The following PCDHGA8 variants were observed in gnomAD, a reference collection of about 807,000 sequenced individuals.
PCDHGA8 encodes the protein protocadherin gamma-A8.
PCDHGA8 carries 45 observed loss-of-function variants against 59.2 expected under a neutral mutation model. The observed-to-expected ratio is 0.76, with a 90% confidence interval of 0.60 to 0.98. PCDHGA8 has a LOEUF of 0.98. PCDHGA8 is among the 50% of genes least tolerant of loss of function. PCDHGA8 has a pLI of 0.00. For missense variants in PCDHGA8, 1,257 were observed against 1,196.2 expected, an observed-to-expected ratio of 1.05 and a Z score of -0.75; for synonymous variants, 531 against 519.0, an observed-to-expected ratio of 1.02 and a Z score of -0.32.
At chr5:141,403,972 A>G in intron 1 of PCDHGA8, 1 of 1,613,968 alleles carries the variant, frequency 6.2e-7, no homozygotes, top group East Asian at 2.2e-5. Flanking sequence ...TGGAAGATGT[A>G]AATGACAATA....
chr5:141,432,178 T>C lies in PCDHGA8; in HGVS notation c.2424+36941T>C. Reference sequence around the variant, plus strand: ...ATCCCAGAGGAGTTTCCCTCGTCTCTGTGACCGCCCACGACCCCGACTGTG... The same window carrying C: ...ATCCCAGAGGAGTTTCCCTCGTCTCCGTGACCGCCCACGACCCCGACTGTG... On this transcript the variant is annotated intron_variant, in intron 1 of 3. Transcript: ENST00000398604. The surrounding 1 kb of genome is among the most constrained non-coding windows in gnomAD (Gnocchi z 6.0). 6.2e-7 allele frequency: 1 copy of C among 1,614,184 alleles called. No individual in the cohort carries two copies. The highest frequency in any genetic ancestry group is 8.5e-7 in the Non-Finnish European group (1 of 1,180,036).
At chr5:141,395,359 G>T in intron 1 of PCDHGA8, 122 bp downstream of exon 1, 2 of 1,289,368 alleles carry the variant, frequency 1.6e-6, no homozygotes, top group East Asian at 5.1e-5. Flanking sequence ...CAGAGTTTTG[G>T]GTTTATTTTG....
chr5:141,413,555 T>C (rs1270604020), intron 1 of PCDHGA8: 1 of 1,613,852 alleles, frequency 6.2e-7, no homozygotes. Flanking sequence ...GAAATAGAAG[T>C]AACTGATATC....
intron 2 of PCDHGA8, among the ~76,000 whole-genome samples, chr5:141,501,476 A>T (rs1274017343): frequency 3.3e-5 from 5 of 152,044 alleles, no homozygotes; most frequent in Admixed American, 3.3e-4. Context: ...ATCCTGGAAG[A>T]GTCCCTCATA....
At chr5:141,509,758 C>T (rs574741134) in intron 3 of PCDHGA8, among the ~76,000 whole-genome samples, 17 of 152,202 alleles carry the variant, frequency 1.1e-4, no homozygotes. Flanking sequence ...CTAAAGTGTC[C>T]CTGAGATGTC....
chr5:141,433,245 A>C, intron 1 of PCDHGA8: 3 of 1,459,776 alleles, frequency 2.1e-6, no homozygotes, highest in Non-Finnish European at 2.8e-6. Context: ...CCAAGCTGGA[A>C]TGCAGCGGTA....
In PCDHGA8 at chr5:141,485,872, G is replaced by A; in HGVS notation, c.2425-8935G>A. ...CCGCAGAGCTCCGGGTATCCGTGCT[G>A]GACGTAAACGACAACGCCCCAGCCT... On this transcript the variant is annotated intron_variant, in intron 1 of 3. Transcript: ENST00000398604. The surrounding 1 kb of genome is among the most constrained non-coding windows in gnomAD (Gnocchi z 5.7). 1 of 1,614,170 alleles carries A rather than the reference G, an allele frequency of 6.2e-7. No homozygotes were observed. The highest frequency in any genetic ancestry group is 2.2e-5 in the East Asian group (1 of 44,876).
intron 1 of PCDHGA8, among the ~76,000 whole-genome samples, chr5:141,484,752 A>G (rs181317421): frequency 6.6e-5 from 10 of 151,098 alleles, no homozygotes; most frequent in Admixed American, 3.3e-4. Context: ...AAAAAAATGT[A>G]TATATATATA....
At chr5:141,474,758 C>T (rs2099354200) in intron 1 of PCDHGA8, among the ~76,000 whole-genome samples, 1 of 152,210 alleles carries the variant, frequency 6.6e-6, no homozygotes, top group Non-Finnish European at 1.5e-5. Flanking sequence ...GACAAATATA[C>T]AGAAATAGTA....
chr5:141,432,128 T>C lies in PCDHGA8; in HGVS notation c.2424+36891T>C. 3 of 1,614,080 alleles carry C rather than the reference T, an allele frequency of 1.9e-6. No homozygotes were observed. Among genetic ancestry groups the C allele is most frequent in the Non-Finnish European group, 2.5e-6 (3 of 1,180,016 alleles). On this transcript the variant is annotated intron_variant, in intron 1 of 3. Coordinates refer to ENST00000398604, the MANE Select transcript of PCDHGA8 (RefSeq NM_032088.2). This position sits in a 1 kb window ranked among gnomAD's most constrained non-coding sequence, Gnocchi z 6.0. ...CCCGCCGGTCTTCCCTCAGGCCTCC[T>C]ATTCCGCTTATATCCCAGAGAACAA... is the stretch of plus-strand genomic sequence containing the variant.
In PCDHGA8 at chr5:141,486,565, T is replaced by C; in HGVS notation, c.2425-8242T>C. ...TTCAGAGGTCACATGAGGTGTTTGT[T>C]CCTGAGAACAATCGCCCAGGGGACC... On this transcript the variant is annotated intron_variant, in intron 1 of 3. Coordinates refer to ENST00000398604, the MANE Select transcript of PCDHGA8 (RefSeq NM_032088.2). The surrounding 1 kb of genome is among the most constrained non-coding windows in gnomAD (Gnocchi z 5.0). 6.2e-7 allele frequency: 1 copy of C among 1,614,024 alleles called. No homozygotes were observed. Among genetic ancestry groups the C allele is most frequent in the Non-Finnish European group, 8.5e-7 (1 of 1,180,032 alleles).
At position 141,394,285 on chromosome 5, in the gene PCDHGA8, T is replaced by C. The variant is rs1463926417; in HGVS notation, c.1472T>C (p.Val491Ala). 1.2e-6 allele frequency: 2 copies of C among 1,613,942 alleles called. No homozygotes were observed. Among genetic ancestry groups the C allele is most frequent in the Admixed American group, 1.7e-5 (1 of 60,020 alleles). ...SQENAQVTYS[V>A]TEDTLQGAPL... ...GAGAATGCCCAGGTCACTTACTCTG[T>C]GACCGAGGACACGCTGCAGGGGGCG... Residue 491 changes from valine to alanine, a missense_variant, in exon 1 of 4, where the codon GTG becomes GCG. Physicochemically the swap from Val to Ala is moderately conservative, Grantham distance 64. Coordinates refer to ENST00000398604, the MANE Select transcript of PCDHGA8 (RefSeq NM_032088.2).
intron 1 of PCDHGA8, 165 bp downstream of exon 1, chr5:141,395,402 C>T (rs1012676021): frequency 5.9e-6 from 5 of 846,250 alleles, no homozygotes; most frequent in Non-Finnish European, 8.7e-6. Context: ...CTCTAATAGT[C>T]ATAGGTTATT....
At position 141,431,823 on chromosome 5, in the gene PCDHGA8, CG is replaced by C. The variant is rs754257436; in HGVS notation, c.2424+36588del. ...GTGGTCCTCACCTCTCTCGCCAGCTCGGTTCCCGAAAACTCTCCCAGAGGGA... is the reference window on the plus strand; with the variant it reads ...GTGGTCCTCACCTCTCTCGCCAGCTCGTTCCCGAAAACTCTCCCAGAGGGA... On this transcript the variant is annotated intron_variant, in intron 1 of 3. Transcript: ENST00000398604. The surrounding 1 kb of genome is among the most constrained non-coding windows in gnomAD (Gnocchi z 4.8). 2.5e-6 allele frequency: 4 copies of C among 1,614,142 alleles called. No homozygotes were observed. In the East Asian group the frequency reaches 8.9e-5, roughly 36 times the overall value.
intron 1 of PCDHGA8, among the ~76,000 whole-genome samples, chr5:141,471,928 G>A (rs1328213264): frequency 6.6e-6 from 1 of 152,152 alleles, no homozygotes; most frequent in African/African-American, 2.4e-5. Context: ...TTTTGGGGGT[G>A]ATGAGAGTTT....
At chr5:141,420,687 G>T (rs2096517632) in intron 1 of PCDHGA8, among the ~76,000 whole-genome samples, 1 of 152,182 alleles carries the variant, frequency 6.6e-6, no homozygotes, top group South Asian at 2.1e-4. Flanking sequence ...TATCGGGACC[G>T]TATTATTTCC....
chr5:141,486,844 C>T lies in PCDHGA8; in HGVS notation c.2425-7963C>T, dbSNP rs150549306. The T allele has an allele frequency of 1.1e-5, 17 of 1,614,220 alleles. No homozygotes were observed. The highest frequency in any genetic ancestry group is 1.4e-5 in the Non-Finnish European group (16 of 1,180,026). ...TAACAGTTCGTCTATTTGTGCTGGACCTCAATGACAATGCTCCAGCTGTGC... is the reference window on the plus strand; with the variant it reads ...TAACAGTTCGTCTATTTGTGCTGGATCTCAATGACAATGCTCCAGCTGTGC... On this transcript the variant is annotated intron_variant, in intron 1 of 3. Transcript: ENST00000398604. The surrounding 1 kb of genome is among the most constrained non-coding windows in gnomAD (Gnocchi z 5.0).
Position 141,476,852 on chromosome 5 carries a change from C to T in PCDHGA8, c.2425-17955C>T. 6.2e-7 allele frequency: 1 copy of T among 1,613,828 alleles called. No homozygotes were observed. Among genetic ancestry groups the T allele is most frequent in the Non-Finnish European group, 8.5e-7 (1 of 1,180,044 alleles). ...GAATGACAATGCGCCTGTCTTCAAC[C>T]AGTCCTTGTACCGGGCGCGCGTCCT... On this transcript the variant is annotated intron_variant, in intron 1 of 3. Coordinates refer to ENST00000398604, the MANE Select transcript of PCDHGA8 (RefSeq NM_032088.2). This position sits in a 1 kb window ranked among gnomAD's most constrained non-coding sequence, Gnocchi z 7.6.
chr5:141,499,054 TGAA>T (rs2099789231), intron 2 of PCDHGA8, among the ~76,000 whole-genome samples: 1 of 150,820 alleles, frequency 6.6e-6, no homozygotes, highest in Non-Finnish European at 1.5e-5. Context: ...GGAGAAAAAA[TGAA>T]GAAGACTTAC....
Sources: gnomAD v4.1 joint callset for allele counts (sites outside exome capture counted in the v4.1 genomes callset) on GRCh38, gnomAD v4.1.1 for gene constraint, Gnocchi (gnomAD v3.1) non-coding constraint, MANE v1.5 for transcripts, NCBI Gene and HGNC (gene_info 2026-07-23, HGNC 2026-07-21) for gene names.